Variants in GARRE1 observed in about 807,000 individuals in gnomAD.
The protein encoded by GARRE1 is granule associated Rac and RHOG effector protein 1.
GARRE1 carries 49 observed loss-of-function variants against 103.2 expected under a neutral mutation model. The observed-to-expected ratio is 0.47, with a 90% CI of 0.38 to 0.60. The LOEUF is 0.60. Ranked by LOEUF, GARRE1 falls within the 20% of genes least tolerant of loss-of-function variation. The probability of loss-of-function intolerance (pLI) is 0.00; values close to 1 mark genes in which losing one functional copy is unlikely to be tolerated. For missense variants in GARRE1, 1,199 were observed against 1,370.5 expected (o/e 0.87, Z 1.98); for synonymous variants, 505 against 532.8 (o/e 0.95, Z 0.72).
chr19:34,300,954 C>G lies in GARRE1; in HGVS notation c.481C>G (p.Leu161Val). Residue 161 changes from leucine (L) to valine (V), a missense_variant, in exon 2 of 14, where the codon CTC becomes GTC. Physicochemically the swap from Leu to Val is conservative, Grantham distance 32. Coordinates refer to ENST00000299505, the MANE Select transcript of GARRE1 (RefSeq NM_014686.5). ...ANFTDQKEFS[L>V]QDIEVLGRCF... is the part of the protein sequence containing the mutation. ...TTTTACGGATCAGAAGGAATTCAGT[C>G]TCCAGGACATTGAGGTAGAGTATCT... 1 of 1,599,652 alleles carries G rather than the reference C, an allele frequency of 6.3e-7. No individual in the cohort carries two copies. Among genetic ancestry groups the G allele is most frequent in the Non-Finnish European group, 8.5e-7 (1 of 1,178,118 alleles).
intron 1 of GARRE1, among the ~76,000 whole-genome samples, chr19:34,261,635 G>T (rs191006313): frequency 4.6e-5 from 7 of 152,268 alleles, no homozygotes; most frequent in Middle Eastern, 3.4e-3. Flanking sequence ...AGCAAGAGGG[G>T]AGGACTCTTG....
rs570752030 is a variant in GARRE1 at position 34,282,277 on chromosome 19, G to C, written c.-795-17402G>C. ...AGCAATTCTCCTGCCTTGGCCTCCT[G>C]AGTAGCTGGGATTACAGGCGCACGC... On this transcript the variant is annotated intron_variant, in intron 1 of 13. Transcript: ENST00000299505. Among the ~76,000 whole-genome samples, 195 of 151,650 alleles carry C rather than the reference G, an allele frequency of 1.3e-3. 2 individuals are homozygous for C. The South Asian group carries it at 0.021, about 16-fold the overall frequency.
At chr19:34,314,276 C>G (rs951060371) in intron 2 of GARRE1, among the ~76,000 whole-genome samples, 1 of 151,878 alleles carries the variant, frequency 6.6e-6, no homozygotes, top group Admixed American at 6.6e-5. Context: ...GTAAAACTTC[C>G]TGTGTGTATT....
At chr19:34,352,135 G>C (rs973069006) in intron 13 of GARRE1, among the ~76,000 whole-genome samples, 1 of 151,960 alleles carries the variant, frequency 6.6e-6, no homozygotes, top group East Asian at 1.9e-4. Context: ...GCGCAGTGGC[G>C]ACGCCTGTAA....
chr19:34,315,821 A>G (rs904661921), intron 2 of GARRE1, among the ~76,000 whole-genome samples: 2 of 152,206 alleles, frequency 1.3e-5, no homozygotes, highest in African/African-American at 4.8e-5. Flanking sequence ...TCAAAAAGAA[A>G]AGGTATTCTG....
chr19:34,320,385 G>C (rs1420820704), intron 3 of GARRE1, among the ~76,000 whole-genome samples: 1 of 152,238 alleles, frequency 6.6e-6, no homozygotes, highest in Non-Finnish European at 1.5e-5. Context: ...CCAGGATGGA[G>C]ATATGCGGGA....
chr19:34,275,230 T>A (rs2073810240), intron 1 of GARRE1, among the ~76,000 whole-genome samples: 1 of 151,980 alleles, frequency 6.6e-6, no homozygotes, highest in African/African-American at 2.4e-5. Flanking sequence ...ATATTTTTTG[T>A]AACAGCTTTA....
chr19:34,257,731 C>G (rs2145947931), intron 1 of GARRE1, among the ~76,000 whole-genome samples: 1 of 152,264 alleles, frequency 6.6e-6, no homozygotes, highest in Non-Finnish European at 1.5e-5. Context: ...TTTAACTCTA[C>G]TGAAACTGCC....
At chr19:34,347,290 C>T (rs531155042) in intron 10 of GARRE1, among the ~76,000 whole-genome samples, 1 of 152,032 alleles carries the variant, frequency 6.6e-6, no homozygotes, top group Non-Finnish European at 1.5e-5. Context: ...CAGGGTTTCA[C>T]CATCTTGGTC....
intron 2 of GARRE1, among the ~76,000 whole-genome samples, chr19:34,301,946 G>A (rs1459228318): frequency 2.1e-5 from 3 of 139,766 alleles, no homozygotes; most frequent in Non-Finnish European, 3.1e-5. Context: ...GTCTCCCAAA[G>A]TGTTGGGATT....
chr19:34,270,448 C>T (rs1322090511), intron 1 of GARRE1, among the ~76,000 whole-genome samples: 2 of 152,154 alleles, frequency 1.3e-5, no homozygotes, highest in East Asian at 3.8e-4. Context: ...CCTGTGGCCT[C>T]TGCAGCTTGA....
At chr19:34,333,503 C>T (rs568457509) in intron 7 of GARRE1, among the ~76,000 whole-genome samples, 1 of 152,266 alleles carries the variant, frequency 6.6e-6, no homozygotes, top group South Asian at 2.1e-4. Flanking sequence ...AATGTGGTTT[C>T]TGTTTATTGA....
intron 2 of GARRE1, among the ~76,000 whole-genome samples, chr19:34,315,798 AAT>A (rs1249717510): frequency 6.6e-6 from 1 of 152,164 alleles, no homozygotes; most frequent in African/African-American, 2.4e-5. Flanking sequence ...ATCTGAATAA[AAT>A]ATAAATATCA....
intron 1 of GARRE1, among the ~76,000 whole-genome samples, chr19:34,281,853 A>G (rs558667728): frequency 1.3e-5 from 2 of 152,234 alleles, no homozygotes; most frequent in South Asian, 2.1e-4. Flanking sequence ...TTTTGCTTAT[A>G]TATTTACGTA....
In GARRE1 at chr19:34,300,462, TC is replaced by T; in HGVS notation, c.-7del. The T allele has an allele frequency of 2.0e-6, 3 of 1,534,796 alleles. No individual in the cohort carries two copies. The highest frequency in any genetic ancestry group is 1.3e-5 in the South Asian group (1 of 79,776). ...ACCCACTTACGGTTGCTGGGACAAT[TC>T]CCCCTCCCGCATGTATTGCTGCAGT... On this transcript the variant is annotated 5_prime_UTR_variant, in exon 2 of 14. Transcript: ENST00000299505.
At position 34,352,848 on chromosome 19, in the gene GARRE1, A is replaced by ACCGCC; in HGVS notation, c.3108_3109insGCCCC (p.Pro1037AlafsTer56). The ACCGCC allele has an allele frequency of 6.3e-7, 1 of 1,591,636 alleles. No homozygotes were observed. The highest frequency in any genetic ancestry group is 8.6e-7 in the Non-Finnish European group (1 of 1,166,618). ...TGCCGCTGCCTTCTCCTATGTGCAG[A>ACCGCC]CCCCACCCCAGCCCCCACCCCCACC... On this transcript the variant is annotated frameshift_variant, in exon 14 of 14. Coordinates refer to ENST00000299505, the MANE Select transcript of GARRE1 (RefSeq NM_014686.5). LOFTEE classifies it high-confidence loss of function.
At chr19:34,260,228 A>G (rs2073707937) in intron 1 of GARRE1, among the ~76,000 whole-genome samples, 2 of 152,256 alleles carry the variant, frequency 1.3e-5, no homozygotes, top group African/African-American at 2.4e-5. Flanking sequence ...GAAGATGCAG[A>G]TGATCATTAG....
chr19:34,335,595 G>A (rs2074157211), intron 8 of GARRE1, among the ~76,000 whole-genome samples: 1 of 152,244 alleles, frequency 6.6e-6, no homozygotes, highest in East Asian at 1.9e-4. Flanking sequence ...GCGCAATCTC[G>A]GCTCACTGCA....
intron 2 of GARRE1, among the ~76,000 whole-genome samples, chr19:34,318,906 A>G (rs1011236934): frequency 5.9e-5 from 9 of 152,018 alleles, no homozygotes; most frequent in African/African-American, 2.2e-4. Context: ...GCCGGGTGTG[A>G]TAGTGCACCG....
Sources: gnomAD v4.1 joint callset for allele counts (sites outside exome capture counted in the v4.1 genomes callset) on GRCh38, gnomAD v4.1.1 for gene constraint, MANE v1.5 for transcripts, NCBI Gene and HGNC (gene_info 2026-07-23, HGNC 2026-07-21) for gene names.